Variants in OPRM1 observed in about 807,000 individuals in gnomAD.
The protein encoded by OPRM1 is opioid receptor mu 1, also known as mu-type opioid receptor.
In OPRM1, 27 loss-of-function variants were observed where a neutral mutation model predicts 31.8. That is an observed-to-expected ratio of 0.85 (90% CI 0.63 to 1.17). The LOEUF is 1.17. OPRM1 is among the 50% of genes most tolerant of loss of function. The pLI, the probability that OPRM1 is intolerant of heterozygous loss-of-function variation, is 0.00. For missense variants in OPRM1, 536 were observed against 511.1 expected, an observed-to-expected ratio of 1.05 and a Z score of -0.47; for synonymous variants, 196 against 189.9, an observed-to-expected ratio of 1.03 and a Z score of -0.26.
At chr6:154,035,751 A>G (rs1208981047), upstream of OPRM1, among the ~76,000 whole-genome samples, 1 of 152,162 alleles carries the variant, frequency 6.6e-6, no homozygotes, top group Non-Finnish European at 1.5e-5. Context: ...CATCCGTGCT[A>G]TGAATAAATA....
chr6:154,099,415 AG>A (rs1562470062), intron 3 of OPRM1, among the ~76,000 whole-genome samples: 11 of 75,986 alleles, frequency 1.4e-4, no homozygotes, highest in Admixed American at 4.7e-4. Flanking sequence ...AAAGAAAGAG[AG>A]AAAGAGAAAG....
At chr6:154,067,584 G>C (rs1280454728) in intron 1 of OPRM1, among the ~76,000 whole-genome samples, 1 of 151,834 alleles carries the variant, frequency 6.6e-6, no homozygotes, top group Non-Finnish European at 1.5e-5. Flanking sequence ...CATATAGTCT[G>C]TCCTTGAAAA....
At chr6:154,244,541 G>A (rs116399695) in intron 3 of OPRM1, among the ~76,000 whole-genome samples, 197 of 152,288 alleles carry the variant, frequency 1.3e-3, no homozygotes, top group African/African-American at 4.4e-3. Flanking sequence ...AGCCAGGGCA[G>A]GAATGCATGA....
intron 3 of OPRM1, among the ~76,000 whole-genome samples, chr6:154,203,945 A>G (rs1324263048): frequency 6.6e-6 from 1 of 152,242 alleles, no homozygotes; most frequent in Non-Finnish European, 1.5e-5. Flanking sequence ...GGTGCCAATT[A>G]CAATGCAAAT....
At chr6:154,152,390 A>AAGAAAGAAAGAAAGAAAGAGAGAG (rs1360734115) in intron 3 of OPRM1, among the ~76,000 whole-genome samples, 2,154 of 125,246 alleles carry the variant, frequency 0.017, 99 homozygotes, top group Middle Eastern at 0.039. Context: ...GAAAGAAAGA[A>AAGAAAGAAAGAAAGAAAGAGAGAG]AGAGAAATAG....
intron 1 of OPRM1, among the ~76,000 whole-genome samples, chr6:154,044,781 T>A (rs145580485): frequency 4.6e-5 from 7 of 152,352 alleles, no homozygotes; most frequent in Non-Finnish European, 8.8e-5. Flanking sequence ...TTTGAACATC[T>A]AATAGGATCT....
At chr6:154,209,709 A>G (rs1777810430) in intron 3 of OPRM1, among the ~76,000 whole-genome samples, 1 of 152,066 alleles carries the variant, frequency 6.6e-6, no homozygotes, top group African/African-American at 2.4e-5. Context: ...AAAAGCCTAA[A>G]TGTTAGTTTA....
chr6:154,048,344 T>G (rs1033175939), intron 1 of OPRM1, among the ~76,000 whole-genome samples: 1 of 152,212 alleles, frequency 6.6e-6, no homozygotes, highest in Non-Finnish European at 1.5e-5. Context: ...TATCAAAATG[T>G]TTCTTGTTCT....
At chr6:154,218,088 T>G (rs1307495096) in intron 3 of OPRM1, among the ~76,000 whole-genome samples, 1 of 152,216 alleles carries the variant, frequency 6.6e-6, no homozygotes, top group Admixed American at 6.5e-5. Flanking sequence ...GCTAAGAACT[T>G]TTTTTAAAAC....
At chr6:154,244,301 G>GGTGTGTGT (rs10674508) in intron 3 of OPRM1, among the ~76,000 whole-genome samples, 52 of 148,058 alleles carry the variant, frequency 3.5e-4, no homozygotes, top group African/African-American at 7.7e-4. Flanking sequence ...TGTGTGGGTG[G>GGTGTGTGT]GTGTGTGTGT....
rs79203682 is a variant in OPRM1 at position 154,043,599 on chromosome 6, G to A, written c.290+3765G>A. On this transcript the variant is annotated intron_variant, in intron 1 of 3. Transcript: ENST00000330432. ...CATATTTGAATCAATTTGAATGCAT[G>A]TCACTAAATATGATCATTAGTAATT... Among the ~76,000 whole-genome samples the A allele has an allele frequency of 9.1e-3, 1,386 of 151,670 alleles. 7 individuals are homozygous for A. The highest frequency in any genetic ancestry group is 0.015 in the Non-Finnish European group (1,024 of 67,808).
intron 1 of OPRM1, among the ~76,000 whole-genome samples, chr6:154,079,883 T>C (rs983984752): frequency 1.1e-4 from 16 of 152,034 alleles, no homozygotes; most frequent in African/African-American, 3.9e-4. Flanking sequence ...GTCAGAAAAA[T>C]AATAATATTT....
intron 1 of OPRM1, among the ~76,000 whole-genome samples, chr6:154,078,559 C>A (rs915703973): frequency 2.6e-5 from 4 of 152,164 alleles, no homozygotes; most frequent in African/African-American, 9.7e-5. Context: ...ATTCTGAAAT[C>A]TTGGACTTAA....
intron 3 of OPRM1, among the ~76,000 whole-genome samples, chr6:154,096,302 C>A (rs139717860): frequency 3.9e-5 from 6 of 152,128 alleles, no homozygotes; most frequent in Non-Finnish European, 8.8e-5. Context: ...CCAAGTGATC[C>A]GCCCACCTCA....
At chr6:154,033,468 C>T (rs964794533) in intron 1 of OPRM1, among the ~76,000 whole-genome samples, 3 of 152,032 alleles carry the variant, frequency 2.0e-5, no homozygotes, top group African/African-American at 4.8e-5. Context: ...GGAATTAAAG[C>T]GCTGGAAAAG....
upstream of OPRM1, among the ~76,000 whole-genome samples, chr6:154,035,799 G>C (rs1779268666): frequency 6.6e-6 from 1 of 152,098 alleles, no homozygotes. Flanking sequence ...GAAAAATGTT[G>C]CATGATATGG....
At chr6:154,112,202 TATC>T (rs1796437992) in intron 3 of OPRM1, among the ~76,000 whole-genome samples, 1 of 152,242 alleles carries the variant, frequency 6.6e-6, no homozygotes, top group Non-Finnish European at 1.5e-5. Flanking sequence ...GTACTGTGGT[TATC>T]ATCAGAAAAG....
At chr6:154,030,582 C>A (rs1193462287) in intron 1 of OPRM1, among the ~76,000 whole-genome samples, 4 of 152,064 alleles carry the variant, frequency 2.6e-5, no homozygotes, top group African/African-American at 9.7e-5. Flanking sequence ...ATGCAGTTGA[C>A]TTTCCCAGTA....
chr6:154,066,032 G>T (rs1449972463), intron 1 of OPRM1, among the ~76,000 whole-genome samples: 1 of 152,028 alleles, frequency 6.6e-6, no homozygotes, highest in East Asian at 1.9e-4. Flanking sequence ...TTATCATGTG[G>T]TTTATTTTCT....
Sources: gnomAD v4.1 joint callset for allele counts (sites outside exome capture counted in the v4.1 genomes callset) on GRCh38, gnomAD v4.1.1 for gene constraint, MANE v1.5 for transcripts, NCBI Gene and HGNC (gene_info 2026-07-23, HGNC 2026-07-21) for gene names.